MSL3B: variants seen among roughly 807,000 people sequenced by gnomAD.
The protein encoded by MSL3B is MSL complex subunit 3B, also known as MSL complex subunit 3 pseudogene 1.
chr2:233,867,701 C>T, the MSL3B span, among the ~76,000 whole-genome samples: 2 of 151,868 alleles, frequency 1.3e-5, no homozygotes, highest in African/African-American at 4.8e-5. Context: ...GGGTCTCAAA[C>T]TCCTGACCTC....
At chr2:233,865,598 C>A in the MSL3B span, 1 of 152,494 alleles carries the variant, frequency 6.6e-6, no homozygotes, top group African/African-American at 2.4e-5. Context: ...AGAGAAGGAA[C>A]CGTCAGAAGC....
the MSL3B span, chr2:233,866,734 C>T: frequency 2.8e-5 from 22 of 795,244 alleles, no homozygotes; most frequent in African/African-American, 1.7e-4. Context: ...CTGTAGACTG[C>T]GGCCTGGATG....
At chr2:233,867,017 T>C in the MSL3B span, 9 of 1,279,226 alleles carry the variant, frequency 7.0e-6, no homozygotes, top group Admixed American at 6.7e-5. Context: ...AGGCCTCTCA[T>C]TGGCTGAAAA....
the MSL3B span, chr2:233,866,951 T>G: frequency 7.1e-7 from 1 of 1,403,666 alleles, no homozygotes; most frequent in Non-Finnish European, 1.0e-6. Context: ...AATATTCTTT[T>G]CTGCTGGGAT....
At chr2:233,868,355 G>C in the MSL3B span, 281 of 162,640 alleles carry the variant, frequency 1.7e-3, 1 homozygote, top group South Asian at 0.011. Flanking sequence ...TCCGTCGGCG[G>C]CTTGCGTCCG....
the MSL3B span, chr2:233,866,602 G>A: frequency 3.7e-6 from 3 of 815,404 alleles, no homozygotes; most frequent in South Asian, 2.7e-5. Context: ...GTGAGGTGCT[G>A]CTCTTAGAAA....
chr2:233,865,106 C>A, the MSL3B span, among the ~76,000 whole-genome samples: 2 of 152,282 alleles, frequency 1.3e-5, no homozygotes, highest in Non-Finnish European at 2.9e-5. Flanking sequence ...AAAGTGAAAT[C>A]TTTTCTGTTT....
At chr2:233,865,903 A>C in the MSL3B span, 12 of 319,272 alleles carry the variant, frequency 3.8e-5, no homozygotes, top group Non-Finnish European at 7.2e-5. Context: ...ATGGCCTACA[A>C]AGTAGCAAGT....
the MSL3B span, chr2:233,866,569 C>G: frequency 2.5e-4 from 221 of 896,744 alleles, no homozygotes; most frequent in African/African-American, 3.2e-3. Flanking sequence ...TGGACATGTC[C>G]TGCTGCCAGC....
At chr2:233,866,332 A>G in the MSL3B span, 1 of 809,128 alleles carries the variant, frequency 1.2e-6, no homozygotes. Flanking sequence ...ATCGCAGCAA[A>G]TGTTGCGCCC....
At chr2:233,866,340 C>G in the MSL3B span, 1 of 816,062 alleles carries the variant, frequency 1.2e-6, no homozygotes, top group Admixed American at 1.7e-5. Context: ...AAATGTTGCG[C>G]CCCGTAAATG....
At chr2:233,866,397 C>G in the MSL3B span, 1 of 1,049,624 alleles carries the variant, frequency 9.5e-7, no homozygotes, top group Middle Eastern at 2.1e-4. Context: ...TTGTCAGGTA[C>G]GAGCTTCCAG....
At chr2:233,866,237 A>G in the MSL3B span, 6 of 700,070 alleles carry the variant, frequency 8.6e-6, no homozygotes, top group Non-Finnish European at 1.6e-5. Flanking sequence ...AAACCTCACA[A>G]AGAGATCAAA....
chr2:233,866,769 A>G, the MSL3B span: 2 of 810,510 alleles, frequency 2.5e-6, no homozygotes, highest in Admixed American at 1.7e-5. Context: ...AAGCTGGGAG[A>G]GAGCTTCTCC....
At chr2:233,867,568 CG>C in the MSL3B span, 1 of 223,140 alleles carries the variant, frequency 4.5e-6, no homozygotes, top group Non-Finnish European at 8.8e-6. Context: ...CTCCGCCTCC[CG>C]GGTTCAAGTG....
the MSL3B span, chr2:233,866,093 T>G: frequency 1.9e-6 from 1 of 522,394 alleles, no homozygotes; most frequent in African/African-American, 1.9e-5. Flanking sequence ...CAGAACACCA[T>G]GCTAGATGGA....
At chr2:233,867,073 T>C in the MSL3B span, 2 of 1,183,956 alleles carry the variant, frequency 1.7e-6, no homozygotes, top group Non-Finnish European at 2.5e-6. Context: ...CCAAAATCGT[T>C]ATGATGTTGG....
At chr2:233,868,117 C>T in the MSL3B span, 1 of 348,584 alleles carries the variant, frequency 2.9e-6, no homozygotes, top group South Asian at 2.6e-5. Context: ...GCTCACGAAG[C>T]ACATGATCTT....
the MSL3B span, chr2:233,866,295 C>T: frequency 3.9e-6 from 3 of 768,614 alleles, no homozygotes; most frequent in Non-Finnish European, 7.2e-6. Flanking sequence ...GACATTTTTC[C>T]AAGAATTTCT....
Sources: gnomAD v4.1 joint callset for allele counts (sites outside exome capture counted in the v4.1 genomes callset) on GRCh38, gnomAD v4.1.1 for gene constraint, MANE v1.5 for transcripts, NCBI Gene and HGNC (gene_info 2026-07-23, HGNC 2026-07-21) for gene names.